The following C3orf52 variants were observed in gnomAD, a reference collection of about 807,000 sequenced individuals.
C3orf52 encodes the protein chromosome 3 open reading frame 52, also known as TPA-induced transmembrane protein.
Under a neutral mutation model 24.8 loss-of-function variants are expected in C3orf52, and 22 were observed. That is an observed-to-expected ratio of 0.89 (90% CI 0.63 to 1.27). C3orf52 has a LOEUF of 1.27. Among genes scored for constraint, C3orf52 ranks in the 50% most tolerant of loss-of-function variants. C3orf52 has a pLI of 0.00. For missense variants in C3orf52, 265 were observed against 260.7 expected (o/e 1.02, Z -0.11); for synonymous variants, 93 against 100.2 (o/e 0.93, Z 0.43).
At chr3:112,126,866 A>G (rs2074332635) in intron 4 of C3orf52, 1 of 755,852 alleles carries the variant, frequency 1.3e-6, no homozygotes, top group Non-Finnish European at 2.3e-6. Flanking sequence ...GATACAGTAA[A>G]GCAAAATGTG....
intron 2 of C3orf52, among the ~76,000 whole-genome samples, chr3:112,099,413 A>C (rs1334519910): frequency 1.3e-5 from 2 of 152,092 alleles, no homozygotes; most frequent in Non-Finnish European, 2.9e-5. Context: ...GACCAAGTTT[A>C]TTTTAGTTCT....
chr3:112,098,778 A>G (rs1051899391), intron 2 of C3orf52, among the ~76,000 whole-genome samples: 2 of 152,108 alleles, frequency 1.3e-5, no homozygotes, highest in African/African-American at 4.8e-5. Context: ...CCTTCTAGCT[A>G]TATCTTCTAT....
intron 2 of C3orf52, among the ~76,000 whole-genome samples, chr3:112,096,081 A>G (rs1234355212): frequency 1.3e-5 from 2 of 152,156 alleles, no homozygotes; most frequent in Non-Finnish European, 2.9e-5. Context: ...TTTGCCATTC[A>G]TTGCCTGCTT....
chr3:112,125,892 C>A (rs555695504), intron 4 of C3orf52, among the ~76,000 whole-genome samples: 21 of 152,210 alleles, frequency 1.4e-4, no homozygotes, highest in Non-Finnish European at 2.4e-4. Context: ...TGGCTCTGGC[C>A]ATTCAGCAAA....
chr3:112,111,231 A>G (rs1419684526), intron 4 of C3orf52, among the ~76,000 whole-genome samples: 1 of 152,206 alleles, frequency 6.6e-6, no homozygotes, highest in Non-Finnish European at 1.5e-5. Context: ...GACCCAGTGT[A>G]CATGGTACTT....
chr3:112,109,968 A>G (rs887953046), intron 4 of C3orf52: 6 of 207,644 alleles, frequency 2.9e-5, no homozygotes, highest in African/African-American at 9.2e-5. Context: ...CGAGTGATAC[A>G]TGTATAGGCA....
At position 112,118,191 on chromosome 3, in the gene C3orf52, T is replaced by C. The variant is rs1559977650; in HGVS notation, c.*1545T>C. On this transcript the variant is annotated 3_prime_UTR_variant, in exon 6 of 6. Transcript: ENST00000264848. The stretch of plus-strand genomic sequence containing the variant: ...GAGAATGATTTAAAAACATTTACAA[T>C]ACATTATTTTTGCATCTGTGTTGTT... 1 of 152,272 alleles carries C rather than the reference T, an allele frequency of 6.6e-6. No homozygotes were observed. The highest frequency in any genetic ancestry group is 1.5e-5 in the Non-Finnish European group (1 of 68,052). The allele number at this position is 152,272 out of a possible 1,614,324, so 9.4% of individuals were successfully genotyped here.
At chr3:112,135,625 A>G (rs2074543796), downstream of C3orf52, among the ~76,000 whole-genome samples, 1 of 151,508 alleles carries the variant, frequency 6.6e-6, no homozygotes, top group Non-Finnish European at 1.5e-5. Flanking sequence ...TTCTAAAAAA[A>G]CACAAATGTG....
In C3orf52 at chr3:112,102,930, G is replaced by T. The variant is rs1454014316; in HGVS notation, c.361G>T (p.Ala121Ser). ...IMLKIPEECVAEEELPHLLTE... is the reference protein window; with the variant it reads ...IMLKIPEECVSEEELPHLLTE... ...GCTGAAGATTCCAGAGGAGTGTGTT[G>T]CTGAAGAGGAATTGCCTCACCTGCT... Residue 121 changes from alanine to serine, a missense_variant, in exon 3 of 6, where the codon GCT (alanine) becomes TCT (serine). By Grantham distance (99) the Ala-to-Ser change is moderately conservative. Transcript: ENST00000264848. 1 of 1,612,312 alleles carries T rather than the reference G, an allele frequency of 6.2e-7. No individual in the cohort carries two copies. The highest frequency in any genetic ancestry group is 1.1e-5 in the South Asian group (1 of 90,434).
intron 2 of C3orf52, among the ~76,000 whole-genome samples, chr3:112,099,940 T>G (rs1196086462): frequency 6.6e-6 from 1 of 152,210 alleles, no homozygotes; most frequent in Non-Finnish European, 1.5e-5. Context: ...GAGAAGTAGC[T>G]TCAGAGATTT....
downstream of C3orf52, chr3:112,132,850 T>A: frequency 2.1e-6 from 1 of 482,078 alleles, no homozygotes; most frequent in African/African-American, 2.0e-5. Flanking sequence ...TGGTAAAGTC[T>A]TTCCACCTTT....
chr3:112,124,473 A>G (rs1050930703), intron 4 of C3orf52, among the ~76,000 whole-genome samples: 5 of 152,054 alleles, frequency 3.3e-5, no homozygotes, highest in South Asian at 2.1e-4. Context: ...GCCAGGTGTG[A>G]TGGCACACAC....
At chr3:112,089,115 T>C (rs1433208863) in intron 1 of C3orf52, among the ~76,000 whole-genome samples, 1 of 152,232 alleles carries the variant, frequency 6.6e-6, no homozygotes, top group Non-Finnish European at 1.5e-5. Context: ...GCTGGTTTTC[T>C]TTTATGGCTT....
At chr3:112,125,828 G>A (rs1477695628) in intron 4 of C3orf52, among the ~76,000 whole-genome samples, 1 of 152,204 alleles carries the variant, frequency 6.6e-6, no homozygotes, top group African/African-American at 2.4e-5. Context: ...TCCTATACCT[G>A]CTGGCAGATA....
intron 2 of C3orf52, among the ~76,000 whole-genome samples, chr3:112,096,997 AT>A (rs1053506587): frequency 1.3e-5 from 2 of 152,158 alleles, no homozygotes; most frequent in African/African-American, 2.4e-5. Context: ...CGACATGGAA[AT>A]TTTTTTAATG....
chr3:112,126,366 T>G (rs757737172), intron 4 of C3orf52, among the ~76,000 whole-genome samples: 20 of 152,168 alleles, frequency 1.3e-4, no homozygotes, highest in Non-Finnish European at 2.5e-4. Flanking sequence ...GGCCTACACT[T>G]TCTTATTTTT....
chr3:112,110,140 G>A (rs376594364), intron 4 of C3orf52, among the ~76,000 whole-genome samples: 22 of 152,232 alleles, frequency 1.4e-4, no homozygotes, highest in African/African-American at 5.1e-4. Context: ...GACTAGCCTG[G>A]CCAACGTGGT....
At chr3:112,094,960 T>C (rs2073913149) in intron 2 of C3orf52, among the ~76,000 whole-genome samples, 1 of 152,200 alleles carries the variant, frequency 6.6e-6, no homozygotes, top group Admixed American at 6.5e-5. Flanking sequence ...GAGGGAGTTC[T>C]CAGGAATTTT....
chr3:112,126,421 C>T (rs2074319256), intron 4 of C3orf52, among the ~76,000 whole-genome samples: 1 of 152,128 alleles, frequency 6.6e-6, no homozygotes, highest in Non-Finnish European at 1.5e-5. Flanking sequence ...TTCTAGAATT[C>T]TTTCTCCTTA....
Sources: gnomAD v4.1 joint callset for allele counts (sites outside exome capture counted in the v4.1 genomes callset) on GRCh38, gnomAD v4.1.1 for gene constraint, MANE v1.5 for transcripts, NCBI Gene and HGNC (gene_info 2026-07-23, HGNC 2026-07-21) for gene names.